PIGF: variants seen among roughly 807,000 people sequenced by gnomAD.
The protein encoded by PIGF is phosphatidylinositol glycan anchor biosynthesis class F, also known as GPI ethanolamine phosphate transferase, stabilizing subunit.
In PIGF, 23 loss-of-function variants were observed where a neutral mutation model predicts 26.0. The observed-to-expected ratio is 0.88, with a 90% CI of 0.64 to 1.25. The LOEUF (loss-of-function observed/expected upper bound fraction) is 1.25, where lower values mean the gene tolerates loss of function less well. Ranked by LOEUF, PIGF falls within the 50% of genes most tolerant of loss-of-function variation. The pLI, the probability that PIGF is intolerant of heterozygous loss-of-function variation, is 0.00. For synonymous variants in PIGF, 93 were observed against 92.6 expected (o/e 1.00, Z -0.03); for missense variants, 278 against 249.9 (o/e 1.11, Z -0.76).
chr2:46,616,771 C>T (rs907013462), intron 1 of PIGF, 199 bp downstream of exon 1: 1 of 176,370 alleles, frequency 5.7e-6, no homozygotes, highest in African/African-American at 2.4e-5. Flanking sequence ...GAGTTGAAGA[C>T]AAGGGAAAAC....
In PIGF at chr2:46,588,265, A is replaced by C; in HGVS notation, c.546+4210T>G. The C allele has an allele frequency of 6.5e-7, 1 of 1,544,702 alleles. No individual in the cohort carries two copies. Among genetic ancestry groups the C allele is most frequent in the Non-Finnish European group, 8.7e-7 (1 of 1,143,302 alleles). ...TAAATACCAGAGAAATAGATAAATT[A>C]ACAGTCCACTCTACCAACTGAAAGA... is the stretch of plus-strand genomic sequence containing the variant. On this transcript the variant is annotated intron_variant, in intron 5 of 5. Transcript: ENST00000281382. The surrounding 1 kb of genome is among the most constrained non-coding windows in gnomAD (Gnocchi z 4.1).
At chr2:46,606,980 T>C (rs1435484251) in intron 4 of PIGF, among the ~76,000 whole-genome samples, 1 of 152,182 alleles carries the variant, frequency 6.6e-6, no homozygotes, top group Non-Finnish European at 1.5e-5. Flanking sequence ...GAAAACATTA[T>C]GCTAAGTAAA....
At chr2:46,582,115 A>C (rs1390618880) in intron 5 of PIGF, 2 of 154,214 alleles carry the variant, frequency 1.3e-5, no homozygotes, top group African/African-American at 4.8e-5. Flanking sequence ...GAACCACAGC[A>C]GAAGTTATAG....
chr2:46,585,381 C>G (rs1035836372), intron 5 of PIGF, among the ~76,000 whole-genome samples: 1 of 152,010 alleles, frequency 6.6e-6, no homozygotes, highest in African/African-American at 2.4e-5. Context: ...TATTACAACT[C>G]AAGTGGGTAA....
At chr2:46,599,493 C>G (rs1356051270) in intron 4 of PIGF, among the ~76,000 whole-genome samples, 1 of 152,156 alleles carries the variant, frequency 6.6e-6, no homozygotes, top group Non-Finnish European at 1.5e-5. Context: ...TTCTTCCCAA[C>G]CCCCTCCCTA....
At chr2:46,600,419 A>G (rs1670020755) in intron 4 of PIGF, among the ~76,000 whole-genome samples, 1 of 152,192 alleles carries the variant, frequency 6.6e-6, no homozygotes, top group African/African-American at 2.4e-5. Context: ...ATACCTAACA[A>G]CATTATTTAT....
At position 46,603,055 on chromosome 2, in the gene PIGF, C is replaced by G. The variant is rs181190927; in HGVS notation, c.437+9173G>C. ...CAACATACAAAAATCAGTAGCATTTCTATATGCCAACAGCAAATAATCTGA... is the reference window on the plus strand; with the variant it reads ...CAACATACAAAAATCAGTAGCATTTGTATATGCCAACAGCAAATAATCTGA... On this transcript the variant is annotated intron_variant, in intron 4 of 5. Transcript: ENST00000281382. Among the ~76,000 whole-genome samples, 214 of 152,038 alleles carry G rather than the reference C, an allele frequency of 1.4e-3. No individual in the cohort carries two copies. The Middle Eastern group carries it at 0.02, about 14-fold the overall frequency.
chr2:46,596,466 A>C (rs1669889012), intron 4 of PIGF, among the ~76,000 whole-genome samples: 1 of 152,158 alleles, frequency 6.6e-6, no homozygotes, highest in South Asian at 2.1e-4. Flanking sequence ...TAAAAATAGA[A>C]AAACTCTGTA....
intron 1 of PIGF, 131 bp downstream of exon 1, chr2:46,616,839 G>A: frequency 1.1e-5 from 3 of 282,114 alleles, no homozygotes; most frequent in South Asian, 1.0e-4. Context: ...AGGGCACGCC[G>A]GAAGAGTGGC....
chr2:46,612,697 ACACTATTGAAC>A (rs1476192994), intron 3 of PIGF, among the ~76,000 whole-genome samples: 29 of 152,146 alleles, frequency 1.9e-4, no homozygotes, highest in South Asian at 4.1e-4. Flanking sequence ...GTGGTTCAAT[ACACTATTGAAC>A]CACTATTGAA....
chr2:46,612,160 G>A, intron 4 of PIGF, 68 bp downstream of exon 4: 1 of 507,944 alleles, frequency 2.0e-6, no homozygotes, highest in Non-Finnish European at 3.3e-6. Context: ...AAACTGCCAT[G>A]AATAGAAAAA....
Position 46,602,229 on chromosome 2 carries a change from T to G in PIGF, c.438-9646A>C, listed in dbSNP as rs565124739. 2.6e-5 allele frequency among the ~76,000 whole-genome samples: 4 copies of G among 152,080 alleles called. No homozygotes were observed. The South Asian group carries it at 8.3e-4, about 31-fold the overall frequency. Reference sequence around the variant, plus strand: ...TCCTGGAGTAACTTAACATTTACTGTAAGGAGAAATCCTGTTAAAATAGTG... The same window carrying G: ...TCCTGGAGTAACTTAACATTTACTGGAAGGAGAAATCCTGTTAAAATAGTG... On this transcript the variant is annotated intron_variant, in intron 4 of 5. Transcript: ENST00000281382.
Position 46,608,243 on chromosome 2 carries a change from G to A in PIGF, c.437+3985C>T, listed in dbSNP as rs536392845. Among the ~76,000 whole-genome samples the A allele has an allele frequency of 3.3e-5, 5 of 152,292 alleles. No homozygotes were observed. In the South Asian group the frequency reaches 1.0e-3, roughly 32 times the overall value. On this transcript the variant is annotated intron_variant, in intron 4 of 5. Transcript: ENST00000281382. ...AATATTCATGGCATCTTCACCAGTA[G>A]ATTCCATCTCAGGAGACCATTTTCT...
chr2:46,611,274 T>G (rs895271662), intron 4 of PIGF, among the ~76,000 whole-genome samples: 1 of 151,760 alleles, frequency 6.6e-6, no homozygotes, highest in East Asian at 1.9e-4. Context: ...GATCATGAGG[T>G]CGAGATCAAG....
At chr2:46,600,452 A>G (rs1185346323) in intron 4 of PIGF, among the ~76,000 whole-genome samples, 2 of 152,156 alleles carry the variant, frequency 1.3e-5, no homozygotes, top group East Asian at 1.9e-4. Context: ...TTGATATTAA[A>G]CCTTAATAGG....
rs888843578 is a variant in PIGF, at chr2:46,588,195, G to C, written c.546+4280C>G. 3 of 1,609,948 alleles carry C rather than the reference G, an allele frequency of 1.9e-6. No homozygotes were observed. The highest frequency in any genetic ancestry group is 2.5e-6 in the Non-Finnish European group (3 of 1,178,316). On this transcript the variant is annotated intron_variant, in intron 5 of 5. Transcript: ENST00000281382. The surrounding 1 kb of genome is among the most constrained non-coding windows in gnomAD (Gnocchi z 4.1). The stretch of plus-strand genomic sequence containing the variant: ...CTACTGTCATCTGAAATGTCAGACA[G>C]GATTGAAAATTATGTGAAATCCAAA...
intron 4 of PIGF, among the ~76,000 whole-genome samples, chr2:46,607,828 G>C (rs775302635): frequency 1.3e-5 from 2 of 152,072 alleles, no homozygotes; most frequent in African/African-American, 4.8e-5. Context: ...CCAAGTAGCT[G>C]GGATTACAGG....
chr2:46,586,951 T>C (rs1453452834), intron 5 of PIGF, among the ~76,000 whole-genome samples: 1 of 152,212 alleles, frequency 6.6e-6, no homozygotes, highest in Non-Finnish European at 1.5e-5. Context: ...TAGTTCCTGG[T>C]CTGGAATTCT....
At chr2:46,593,881 T>C (rs919205474) in intron 4 of PIGF, among the ~76,000 whole-genome samples, 1 of 152,234 alleles carries the variant, frequency 6.6e-6, no homozygotes, top group Non-Finnish European at 1.5e-5. Flanking sequence ...AAGTCCCAAA[T>C]GATGACAAGT....
Sources: allele counts gnomAD v4.1 joint callset (sites outside exome capture counted in the v4.1 genomes callset), GRCh38; gene constraint gnomAD v4.1.1; non-coding constraint Gnocchi (gnomAD v3.1); transcripts MANE v1.5; gene names NCBI Gene and HGNC (gene_info 2026-07-23, HGNC 2026-07-21).